ANTXR1: variants seen among roughly 807,000 people sequenced by gnomAD.
The protein encoded by ANTXR1 is ANTXR cell adhesion molecule 1.
ANTXR1 carries 19 observed loss-of-function variants against 78.1 expected under a neutral mutation model. That is an observed-to-expected ratio of 0.24 (90% confidence interval 0.17 to 0.36). The LOEUF is 0.36. Ranked by LOEUF, ANTXR1 falls within the 10% of genes least tolerant of loss-of-function variation. The pLI, the probability that ANTXR1 is intolerant of heterozygous loss-of-function variation, is 1.00. For synonymous variants in ANTXR1, 273 were observed against 260.5 expected, an observed-to-expected ratio of 1.05 and a Z score of -0.46; for missense variants, 518 against 718.6, an observed-to-expected ratio of 0.72 and a Z score of 3.19.
At chr2:69,141,091 C>T (rs1558592801) in intron 12 of ANTXR1, among the ~76,000 whole-genome samples, 1 of 152,180 alleles carries the variant, frequency 6.6e-6, no homozygotes, top group African/African-American at 2.4e-5. Flanking sequence ...TCTTAAGGGC[C>T]TGAATTTCTC....
At chr2:69,022,296 T>C (rs6732737) in intron 1 of ANTXR1, among the ~76,000 whole-genome samples, 21,623 of 152,152 alleles carry the variant, frequency 0.14, 4,431 homozygotes, top group African/African-American at 0.46. Context: ...GATGGGACGG[T>C]GTTTCATTGT....
intron 17 of ANTXR1, among the ~76,000 whole-genome samples, chr2:69,212,419 G>A (rs187372935): frequency 9.7e-4 from 148 of 152,314 alleles, no homozygotes; most frequent in African/African-American, 3.3e-3. Context: ...GCAGCTCCCA[G>A]GAGGTGTTCC....
intron 1 of ANTXR1, among the ~76,000 whole-genome samples, chr2:69,026,893 T>C (rs574476025): frequency 6.6e-6 from 1 of 152,332 alleles, no homozygotes; most frequent in African/African-American, 2.4e-5. Context: ...AGACGCTGCA[T>C]CGGGTCCAGA....
chr2:69,192,792 A>G (rs1488592333), intron 16 of ANTXR1, among the ~76,000 whole-genome samples: 1 of 152,042 alleles, frequency 6.6e-6, no homozygotes, highest in African/African-American at 2.4e-5. Context: ...ATGCTTGGTA[A>G]TTTGTCTCTC....
rs548299467 is a variant in ANTXR1 at position 69,022,568 on chromosome 2, G to A, written c.152+8917G>A. Among the ~76,000 whole-genome samples the A allele has an allele frequency of 5.2e-4, 79 of 152,298 alleles. 1 individual carries two copies. Among genetic ancestry groups the A allele is most frequent in the African/African-American group, 1.9e-3 (79 of 41,556 alleles). ...AAGCTTCCATGATAAAAGCTCCAGT[G>A]GAAATTGTAGACCTTGGGAATGAAT... On this transcript the variant is annotated intron_variant, in intron 1 of 17. Coordinates refer to ENST00000303714, the MANE Select transcript of ANTXR1 (RefSeq NM_032208.3).
chr2:69,035,745 G>A (rs1671658175), intron 1 of ANTXR1, among the ~76,000 whole-genome samples: 1 of 152,346 alleles, frequency 6.6e-6, no homozygotes, highest in East Asian at 1.9e-4. Flanking sequence ...AGAGGAGCAA[G>A]CCTGTCATTG....
intron 10 of ANTXR1, among the ~76,000 whole-genome samples, chr2:69,119,595 C>T (rs750104958): frequency 6.6e-6 from 1 of 152,226 alleles, no homozygotes; most frequent in African/African-American, 2.4e-5. Context: ...CTCTGGCTTG[C>T]GGTGCAACCT....
At chr2:69,034,823 T>G (rs1424778391) in intron 1 of ANTXR1, among the ~76,000 whole-genome samples, 1 of 152,220 alleles carries the variant, frequency 6.6e-6, no homozygotes, top group African/African-American at 2.4e-5. Context: ...AGCCAGAGTT[T>G]AAGGTCATTG....
intron 9 of ANTXR1, among the ~76,000 whole-genome samples, chr2:69,091,923 G>T (rs532930575): frequency 8.5e-4 from 130 of 152,154 alleles, no homozygotes; most frequent in African/African-American, 3.1e-3. Flanking sequence ...GGCGCTTCTC[G>T]TATAATTCTT....
In ANTXR1 at chr2:69,207,966, T is replaced by C. The variant is rs758945854; in HGVS notation, c.1434+14551T>C. Reference sequence around the variant, plus strand: ...GTGCATGCTGATTGGTTTGTGAGTATGCAAAAATGGTTAAAGCAAAGACAT... The same window carrying C: ...GTGCATGCTGATTGGTTTGTGAGTACGCAAAAATGGTTAAAGCAAAGACAT... On this transcript the variant is annotated intron_variant, in intron 17 of 17. Coordinates refer to ENST00000303714, the MANE Select transcript of ANTXR1 (RefSeq NM_032208.3). Among the ~76,000 whole-genome samples, 6 of 152,138 alleles carry C rather than the reference T, an allele frequency of 3.9e-5. 1 individual carries two copies. Among genetic ancestry groups the C allele is most frequent in the Non-Finnish European group, 8.8e-5 (6 of 68,040 alleles).
At chr2:69,207,540 G>C (rs1000149572) in intron 17 of ANTXR1, among the ~76,000 whole-genome samples, 1 of 152,144 alleles carries the variant, frequency 6.6e-6, no homozygotes, top group African/African-American at 2.4e-5. Context: ...GAGATCAGAG[G>C]ATAAAAATAT....
intron 1 of ANTXR1, among the ~76,000 whole-genome samples, chr2:69,031,019 G>A (rs1342419537): frequency 6.6e-6 from 1 of 152,146 alleles, no homozygotes; most frequent in Admixed American, 6.5e-5. Flanking sequence ...CATTCATTTT[G>A]TTCATGTACT....
At chr2:69,116,067 C>T (rs1230480210) in intron 10 of ANTXR1, among the ~76,000 whole-genome samples, 1 of 152,198 alleles carries the variant, frequency 6.6e-6, no homozygotes, top group Non-Finnish European at 1.5e-5. Context: ...TTCAGCCTGT[C>T]CAAGTAAAAG....
At chr2:69,224,275 T>TA (rs1462452136) in intron 17 of ANTXR1, among the ~76,000 whole-genome samples, 13 of 152,180 alleles carry the variant, frequency 8.5e-5, no homozygotes, top group African/African-American at 3.1e-4. Context: ...AAACCAGAAG[T>TA]AATGTTCATG....
At chr2:69,216,502 C>T (rs1167390468) in intron 17 of ANTXR1, among the ~76,000 whole-genome samples, 1 of 152,122 alleles carries the variant, frequency 6.6e-6, no homozygotes, top group East Asian at 1.9e-4. Context: ...TACACGCACA[C>T]ACACGATTTT....
intron 1 of ANTXR1, 130 bp from the exon 2 acceptor site, chr2:69,039,914 C>A: frequency 1.4e-6 from 1 of 731,206 alleles, no homozygotes; most frequent in Non-Finnish European, 2.4e-6. Flanking sequence ...TCCAAAGTTA[C>A]AGAAGTTTCA....
chr2:69,205,197 C>T (rs1038284765), intron 17 of ANTXR1, among the ~76,000 whole-genome samples: 1 of 152,074 alleles, frequency 6.6e-6, no homozygotes, highest in Non-Finnish European at 1.5e-5. Flanking sequence ...GGGCATACTT[C>T]CAAAGAGAAG....
chr2:69,181,917 C>G (rs1191166442), intron 15 of ANTXR1, 36 bp downstream of exon 15: 3 of 1,601,736 alleles, frequency 1.9e-6, no homozygotes, highest in Non-Finnish European at 2.6e-6. Flanking sequence ...TATCTATGTG[C>G]TGACTACTCC....
At chr2:69,206,128 C>T (rs1332322898) in intron 17 of ANTXR1, among the ~76,000 whole-genome samples, 1 of 152,140 alleles carries the variant, frequency 6.6e-6, no homozygotes, top group Non-Finnish European at 1.5e-5. Context: ...CATTCAGCAC[C>T]TCTGTCCATT....
Sources: gnomAD v4.1 joint callset for allele counts (sites outside exome capture counted in the v4.1 genomes callset) on GRCh38, gnomAD v4.1.1 for gene constraint, MANE v1.5 for transcripts, NCBI Gene and HGNC (gene_info 2026-07-23, HGNC 2026-07-21) for gene names.